Variants in BCORL1 observed in about 807,000 individuals in gnomAD.
The protein encoded by BCORL1 is BCL6 corepressor like 1.
BCORL1 carries 7 observed loss-of-function variants against 87.6 expected under a neutral mutation model. The observed-to-expected ratio is 0.08, with a 90% CI of 0.05 to 0.15. BCORL1 has a LOEUF of 0.15. Among genes scored for constraint, BCORL1 ranks in the 10% least tolerant of loss-of-function variants. BCORL1 has a pLI of 1.00. For synonymous variants in BCORL1, 591 were observed against 634.4 expected (o/e 0.93, Z 1.03); for missense variants, 1,215 against 1,499.7 (o/e 0.81, Z 3.13).
intron 4 of BCORL1, 32 bp downstream of exon 4, chrX:130,016,245 C>T (rs370396318): frequency 6.1e-5 from 71 of 1,155,416 alleles, no homozygotes; most frequent in South Asian, 3.0e-4. Context: ...AGGGTGGGGC[C>T]GAGATGCCGC....
intron 1 of BCORL1, among the ~76,000 whole-genome samples, chrX:130,003,196 A>T (rs1928194689): frequency 9.1e-6 from 1 of 110,240 alleles, no homozygotes; most frequent in Non-Finnish European, 1.9e-5. Context: ...TTTCTCCCAA[A>T]TATCCACGTG....
rs183594187 is a variant in BCORL1 at position 129,986,187 on chromosome X, T to A, written c.-45+3425T>A. Among the ~76,000 whole-genome samples, 169 of 112,129 alleles carry A rather than the reference T, an allele frequency of 1.5e-3. 1 individual carries two copies. The highest frequency in any genetic ancestry group is 2.1e-3 in the Admixed American group (22 of 10,530). ...CCTTGTCTGAGTTCAGGAGGATTTTTAAAAAATTTTTTTAGAATAGGCCAA... is the reference window on the plus strand; with the variant it reads ...CCTTGTCTGAGTTCAGGAGGATTTTAAAAAAATTTTTTTAGAATAGGCCAA... On this transcript the variant is annotated intron_variant, in intron 1 of 13. Coordinates refer to ENST00000540052, the MANE Select transcript of BCORL1 (RefSeq NM_001379451.1).
At position 130,013,333 on chromosome X, in the gene BCORL1, G is replaced by A. The variant is rs1482281823; in HGVS notation, c.561G>A (p.Gly187=). ...ATLGTGVPVE[G]TLPLVTTNFS... ...TGGGAACTGGAGTCCCTGTGGAGGG[G>A]ACCCTGCCCCTGGTTACCACTAACT... The change falls in exon 4 of 14, where the codon GGG becomes GGA. Residue 187 remains glycine, a synonymous_variant. Transcript: ENST00000540052. The A allele has an allele frequency of 8.3e-7, 1 of 1,211,637 alleles. No individual in the cohort carries two copies. The highest frequency in any genetic ancestry group is 3.0e-5 in the East Asian group (1 of 33,856).
intron 6 of BCORL1, among the ~76,000 whole-genome samples, chrX:130,024,371 G>A (rs1488504738): frequency 9.0e-6 from 1 of 111,151 alleles, no homozygotes; most frequent in Non-Finnish European, 1.9e-5. Flanking sequence ...GCGTGCCTGG[G>A]TGCATTTGGG....
At chrX:130,022,460 C>T (rs1381329168) in intron 5 of BCORL1, among the ~76,000 whole-genome samples, 2 of 108,824 alleles carry the variant, frequency 1.8e-5, no homozygotes, top group Non-Finnish European at 3.8e-5. Context: ...GTTGGCCATG[C>T]TGGGCTCGAT....
In BCORL1 at chrX:130,044,212, A is replaced by AT. The variant is rs200352546; in HGVS notation, c.4840+4937dup. Reference sequence around the variant, plus strand: ...AGCCACCGCGCCCAGCCTGATTTTAATTTTTTTACTTTGCTGTCTGGCTGA... The same window carrying AT: ...AGCCACCGCGCCCAGCCTGATTTTAATTTTTTTTACTTTGCTGTCTGGCTGA... On this transcript the variant is annotated intron_variant, in intron 11 of 13. Transcript: ENST00000540052. 8.5e-4 allele frequency among the ~76,000 whole-genome samples: 93 copies of AT among 108,944 alleles called. No individual in the cohort carries two copies. The East Asian group carries it at 0.026, about 31-fold the overall frequency. The allele number at this position is 108,944 out of a possible 115,157, so 94.6% of individuals were successfully genotyped here.
intron 7 of BCORL1, among the ~76,000 whole-genome samples, chrX:130,028,133 C>T (rs905278687): frequency 9.9e-5 from 11 of 111,252 alleles, no homozygotes; most frequent in Admixed American, 8.7e-4. Flanking sequence ...TTTGTGTCCT[C>T]GGAGAGTGAC....
At position 130,037,525 on chromosome X, in the gene BCORL1, C is replaced by T. The variant is rs781759733; in HGVS notation, c.4686C>T (p.Asp1562=). The change falls in exon 10 of 14, where the codon GAC becomes GAT. Residue 1562 remains aspartate, a synonymous_variant. Coordinates refer to ENST00000540052, the MANE Select transcript of BCORL1 (RefSeq NM_001379451.1). The part of the protein sequence containing the change: ...HGANVNCSAQ[D]GTRPVHDAVV... ...CCAACGTGAACTGCAGTGCGCAGGA[C>T]GGCACGAGGCAAGAGGGCTGCATCT... The T allele has an allele frequency of 4.0e-5, 48 of 1,203,445 alleles. No homozygotes were observed. Among genetic ancestry groups the T allele is most frequent in the Middle Eastern group, 4.6e-4 (2 of 4,314 alleles).
chrX:130,034,959 G>A (rs779083450), intron 9 of BCORL1, among the ~76,000 whole-genome samples: 14 of 111,864 alleles, frequency 1.3e-4, no homozygotes, highest in African/African-American at 3.9e-4. Flanking sequence ...AAATTTCTCT[G>A]TATGGTGGTT....
chrX:130,018,307 TG>T (rs1929582115), intron 4 of BCORL1, among the ~76,000 whole-genome samples: 1 of 111,744 alleles, frequency 8.9e-6, no homozygotes, highest in African/African-American at 3.3e-5. Flanking sequence ...TGCCTAGGGT[TG>T]GGGAGGATGG....
intron 11 of BCORL1, among the ~76,000 whole-genome samples, chrX:130,047,622 G>A (rs1487745075): frequency 8.9e-6 from 1 of 112,289 alleles, no homozygotes; most frequent in African/African-American, 3.2e-5. Context: ...GGTGAGTTAG[G>A]GCTGCTCCGA....
intron 6 of BCORL1, among the ~76,000 whole-genome samples, chrX:130,024,550 C>G (rs868502561): frequency 3.0e-4 from 33 of 111,041 alleles, no homozygotes; most frequent in African/African-American, 1.0e-3. Context: ...TCTGAGACCC[C>G]AATTGCCCTC....
At chrX:130,046,375 T>C (rs753288616) in intron 11 of BCORL1, among the ~76,000 whole-genome samples, 8 of 110,927 alleles carry the variant, frequency 7.2e-5, no homozygotes, top group Non-Finnish European at 1.3e-4. Flanking sequence ...CAAAACATTT[T>C]CTTTTTTTTT....
At chrX:130,025,407 G>C (rs778529178) in intron 7 of BCORL1, 28 bp downstream of exon 7, 2 of 1,121,699 alleles carry the variant, frequency 1.8e-6, no homozygotes, top group Non-Finnish European at 2.4e-6. Context: ...CTCTGCTGTC[G>C]CCGCGGCCCG....
At chrX:130,020,123 A>G (rs1300556620) in intron 4 of BCORL1, among the ~76,000 whole-genome samples, 1 of 112,269 alleles carries the variant, frequency 8.9e-6, no homozygotes, top group Non-Finnish European at 1.9e-5. Flanking sequence ...TCCTAGTCCC[A>G]ATTCTGGGTC....
At chrX:130,024,055 C>T (rs1930041829) in intron 6 of BCORL1, among the ~76,000 whole-genome samples, 1 of 112,336 alleles carries the variant, frequency 8.9e-6, no homozygotes, top group African/African-American at 3.2e-5. Flanking sequence ...GGTGGTGTCT[C>T]ACAGCTGCTT....
intron 4 of BCORL1, among the ~76,000 whole-genome samples, chrX:130,018,636 A>T (rs1006354196): frequency 2.7e-5 from 3 of 111,955 alleles, no homozygotes; most frequent in African/African-American, 9.7e-5. Context: ...CCCGCCTCTC[A>T]TGAAGCTTAT....
intron 1 of BCORL1, among the ~76,000 whole-genome samples, chrX:130,004,595 G>C (rs1299000717): frequency 8.9e-6 from 1 of 111,969 alleles, no homozygotes. Flanking sequence ...TTGCTTGTTG[G>C]TGGTCAGCGT....
intron 5 of BCORL1, among the ~76,000 whole-genome samples, chrX:130,022,248 T>C (rs868773941): frequency 0.012 from 918 of 75,598 alleles, 14 homozygotes; most frequent in African/African-American, 0.044. Flanking sequence ...TTTTTTTTTT[T>C]TTTTTTTTTT....
Sources: gnomAD v4.1 joint callset for allele counts (sites outside exome capture counted in the v4.1 genomes callset) on GRCh38, gnomAD v4.1.1 for gene constraint, MANE v1.5 for transcripts, NCBI Gene and HGNC (gene_info 2026-07-23, HGNC 2026-07-21) for gene names.